TTC28: variants seen among roughly 807,000 people sequenced by gnomAD.
The protein encoded by TTC28 is tetratricopeptide repeat domain 28, also known as tetratricopeptide repeat protein 28.
TTC28 carries 61 observed loss-of-function variants against 198.0 expected under a neutral mutation model. The observed-to-expected ratio is 0.31, with a 90% CI of 0.25 to 0.38. TTC28 has a LOEUF of 0.38. Ranked by LOEUF, TTC28 falls within the 10% of genes least tolerant of loss-of-function variation. The pLI is 1.00. For missense variants in TTC28, 2,678 were observed against 3,164.0 expected, an observed-to-expected ratio of 0.85 and a Z score of 3.69; for synonymous variants, 1,171 against 1,297.8, an observed-to-expected ratio of 0.90 and a Z score of 2.10.
chr22:28,623,566 G>C (rs2146191430), intron 2 of TTC28, among the ~76,000 whole-genome samples: 1 of 152,212 alleles, frequency 6.6e-6, no homozygotes, highest in South Asian at 2.1e-4. Context: ...GATATCTATG[G>C]AACTACACCT....
At chr22:28,500,988 A>T (rs2048530263) in intron 2 of TTC28, among the ~76,000 whole-genome samples, 2 of 152,204 alleles carry the variant, frequency 1.3e-5, no homozygotes, top group Non-Finnish European at 2.9e-5. Flanking sequence ...ATAAAACATC[A>T]GAGTCCAGAA....
chr22:28,540,776 G>T (rs2049394848), intron 2 of TTC28, among the ~76,000 whole-genome samples: 1 of 152,092 alleles, frequency 6.6e-6, no homozygotes, highest in Admixed American at 6.6e-5. Context: ...TAAGACTTCA[G>T]ATCTTAGGTC....
chr22:28,072,696 G>A (rs1007851879), intron 12 of TTC28, among the ~76,000 whole-genome samples: 34 of 152,232 alleles, frequency 2.2e-4, no homozygotes, highest in South Asian at 2.1e-4. Context: ...ATGCCCCAGC[G>A]AATATAACTC....
At chr22:28,170,640 T>C (rs1448659695) in intron 5 of TTC28, among the ~76,000 whole-genome samples, 1 of 152,234 alleles carries the variant, frequency 6.6e-6, no homozygotes, top group Non-Finnish European at 1.5e-5. Context: ...GATATCTTAA[T>C]GGTAAGAGAG....
chr22:28,434,843 G>T (rs1185856081), intron 2 of TTC28, among the ~76,000 whole-genome samples: 1 of 152,048 alleles, frequency 6.6e-6, no homozygotes, highest in Non-Finnish European at 1.5e-5. Context: ...AACTCTACCA[G>T]GCCCCTATTC....
intron 2 of TTC28, among the ~76,000 whole-genome samples, chr22:28,356,170 A>G (rs2046074534): frequency 6.6e-6 from 1 of 152,244 alleles, no homozygotes; most frequent in Non-Finnish European, 1.5e-5. Flanking sequence ...AAAGGCAAAC[A>G]ACCCCTCTCC....
At chr22:28,522,770 C>T (rs929091642) in intron 2 of TTC28, among the ~76,000 whole-genome samples, 2 of 151,904 alleles carry the variant, frequency 1.3e-5, no homozygotes, top group Admixed American at 6.6e-5. Flanking sequence ...AAACCAGGTA[C>T]AAAAGCCCAG....
intron 1 of TTC28, among the ~76,000 whole-genome samples, chr22:28,658,809 C>T (rs113533422): frequency 6.6e-6 from 1 of 152,070 alleles, no homozygotes; most frequent in African/African-American, 2.4e-5. Flanking sequence ...TCAGCCTGGC[C>T]AACATGGTAA....
chr22:28,480,589 T>G (rs2048232795), intron 2 of TTC28, among the ~76,000 whole-genome samples: 1 of 152,178 alleles, frequency 6.6e-6, no homozygotes, highest in Non-Finnish European at 1.5e-5. Flanking sequence ...TTTACATCCC[T>G]TCTACAGCTT....
intron 12 of TTC28, among the ~76,000 whole-genome samples, chr22:28,078,577 C>T (rs1294272606): frequency 1.3e-5 from 2 of 151,928 alleles, no homozygotes; most frequent in Admixed American, 6.6e-5. Flanking sequence ...CTGATTTGGA[C>T]CAACAAGGAT....
chr22:28,030,146 G>C, intron 13 of TTC28, 80 bp downstream of exon 13: 1 of 1,504,252 alleles, frequency 6.6e-7, no homozygotes, highest in South Asian at 1.3e-5. Context: ...CAGCTGGAAG[G>C]AGCATCCACT....
chr22:28,211,975 C>T (rs978768235), intron 5 of TTC28, among the ~76,000 whole-genome samples: 1 of 152,178 alleles, frequency 6.6e-6, no homozygotes, highest in Non-Finnish European at 1.5e-5. Context: ...AAGAAACTCA[C>T]TCAAAACCGC....
In TTC28 at chr22:28,504,924, A is replaced by T. The variant is rs527705671; in HGVS notation, c.381+124628T>A. Among the ~76,000 whole-genome samples the T allele has an allele frequency of 2.6e-5, 4 of 152,126 alleles. No homozygotes were observed. In the East Asian group the frequency reaches 7.7e-4, roughly 29 times the overall value. The stretch of plus-strand genomic sequence containing the variant: ...TTTTTATATATATTTGAAATTTTTC[A>T]TAAGTATTTTTTCTTAACTGGAAAA... On this transcript the variant is annotated intron_variant, in intron 2 of 22. Coordinates refer to ENST00000397906, the MANE Select transcript of TTC28 (RefSeq NM_001145418.2).
chr22:28,502,454 C>G (rs1015745815), intron 2 of TTC28, among the ~76,000 whole-genome samples: 3 of 149,062 alleles, frequency 2.0e-5, no homozygotes, highest in African/African-American at 7.5e-5. Flanking sequence ...TCCTGGCTAA[C>G]ACGGTGAAAC....
intron 2 of TTC28, among the ~76,000 whole-genome samples, chr22:28,432,179 G>C (rs1177906787): frequency 6.6e-6 from 1 of 151,518 alleles, no homozygotes; most frequent in Non-Finnish European, 1.5e-5. Context: ...CCAGCTACTC[G>C]GGAGGCTGAG....
intron 2 of TTC28, among the ~76,000 whole-genome samples, chr22:28,507,093 G>A (rs1215607076): frequency 6.6e-6 from 1 of 152,210 alleles, no homozygotes; most frequent in East Asian, 1.9e-4. Context: ...ACTTCAGAAG[G>A]TGGGTAATGA....
intron 2 of TTC28, among the ~76,000 whole-genome samples, chr22:28,602,442 T>C (rs1293469424): frequency 6.6e-6 from 1 of 152,212 alleles, no homozygotes; most frequent in Non-Finnish European, 1.5e-5. Flanking sequence ...CTAATTTTAA[T>C]GGTGGTACTG....
chr22:28,301,435 A>G (rs1194501373), intron 3 of TTC28, among the ~76,000 whole-genome samples: 1 of 152,236 alleles, frequency 6.6e-6, no homozygotes, highest in African/African-American at 2.4e-5. Flanking sequence ...TTTGAAATGT[A>G]AAGGCTTTAA....
At chr22:28,346,342 G>GAA (rs1193697992) in intron 2 of TTC28, among the ~76,000 whole-genome samples, 38 of 152,318 alleles carry the variant, frequency 2.5e-4, no homozygotes, top group African/African-American at 8.2e-4. Flanking sequence ...TATCAGATTG[G>GAA]ATTAGGGACC....
Sources: allele counts gnomAD v4.1 joint callset (sites outside exome capture counted in the v4.1 genomes callset), GRCh38; gene constraint gnomAD v4.1.1; transcripts MANE v1.5; gene names NCBI Gene and HGNC (gene_info 2026-07-23, HGNC 2026-07-21).